The following SLC22A8 variants were observed in gnomAD, a reference collection of about 807,000 sequenced individuals.
SLC22A8 encodes solute carrier family 22 member 8.
A neutral mutation model predicts 48.4 loss-of-function variants in SLC22A8; 40 were observed. The ratio of observed to expected loss-of-function variants is 0.83; its 90% CI spans 0.64 to 1.08. The LOEUF (loss-of-function observed/expected upper bound fraction) is 1.08, where lower values mean the gene tolerates loss of function less well. Among genes scored for constraint, SLC22A8 ranks in the 50% least tolerant of loss-of-function variants. The pLI, the probability that SLC22A8 is intolerant of heterozygous loss-of-function variation, is 0.00. For missense variants in SLC22A8, 606 were observed against 699.0 expected, an observed-to-expected ratio of 0.87 and a Z score of 1.50; for synonymous variants, 268 against 286.3, an observed-to-expected ratio of 0.94 and a Z score of 0.65.
At chr11:62,996,939 A>C (rs1442971010) in intron 5 of SLC22A8, among the ~76,000 whole-genome samples, 1 of 152,224 alleles carries the variant, frequency 6.6e-6, no homozygotes, top group Non-Finnish European at 1.5e-5. Context: ...TGAGGCCCTC[A>C]GGGAGTGGAC....
chr11:63,010,766 T>G (rs1590701166), intron 2 of SLC22A8, among the ~76,000 whole-genome samples: 1 of 152,178 alleles, frequency 6.6e-6, no homozygotes, highest in East Asian at 1.9e-4. Flanking sequence ...CGGTTCACAC[T>G]ATCTCAGCTG....
At chr11:63,015,107 G>C (rs557263795) in intron 1 of SLC22A8, 124 bp from the exon 2 acceptor site, 2 of 577,446 alleles carry the variant, frequency 3.5e-6, no homozygotes, top group East Asian at 2.8e-5. Context: ...AGCAGAGCAT[G>C]TGTAAGTGTG....
chr11:63,006,814 A>G (rs2086562437), intron 2 of SLC22A8, among the ~76,000 whole-genome samples: 1 of 150,178 alleles, frequency 6.7e-6, no homozygotes, highest in African/African-American at 2.4e-5. Context: ...TCACCATGTT[A>G]GCTAGCATGG....
intron 5 of SLC22A8, among the ~76,000 whole-genome samples, chr11:62,998,069 G>T (rs1047849290): frequency 2.6e-5 from 4 of 151,820 alleles, no homozygotes; most frequent in Non-Finnish European, 4.4e-5. Context: ...CTCCTGCCTC[G>T]GCCTCCTGAG....
intron 2 of SLC22A8, among the ~76,000 whole-genome samples, chr11:63,014,338 CT>C (rs1411540031): frequency 1.3e-5 from 2 of 152,170 alleles, no homozygotes; most frequent in Non-Finnish European, 2.9e-5. Context: ...TGTAGACCCC[CT>C]GGGAGCAGGC....
Position 62,993,240 on chromosome 11 carries a change from G to C in SLC22A8, c.1626C>G (p.Ser542Arg), listed in dbSNP as rs770769815. The C allele has an allele frequency of 9.9e-6, 16 of 1,611,138 alleles. No individual in the cohort carries two copies. The highest frequency in any genetic ancestry group is 1.4e-5 in the Non-Finnish European group (16 of 1,179,022). ...GGGAAAGGGGGTTCCGTTGTCCTCA[G>C]CTGGAGCCCAGGCCTGGTCCGTGAG... ...LQPHGPGLGS[S>R] Residue 542 changes from serine to arginine, a missense_variant, in exon 11 of 11, where the codon AGC becomes AGG. By Grantham distance (110) the Ser-to-Arg change is moderately radical. Transcript: ENST00000336232.
At position 62,999,089 on chromosome 11, in the gene SLC22A8, T is replaced by A. The variant is rs138633128; in HGVS notation, c.593A>T (p.Asn198Ile). 8.4e-5 allele frequency: 135 copies of A among 1,611,380 alleles called. 1 individual carries two copies. The African/African-American group carries it at 1.5e-3, about 18-fold the overall frequency. ...CATCCGGGTAGGCACCCATTCCACATCTGTGGGAGGAGTCCAAGCACCAGA... is the reference window on the plus strand; with the variant it reads ...CATCCGGGTAGGCACCCATTCCACAACTGTGGGAGGAGTCCAAGCACCAGA... ...SGITLSTVIL[N>I]VEWVPTRMRA... The change falls in exon 5 of 11, where the codon AAT (asparagine) becomes ATT (isoleucine). Residue 198 changes from asparagine to isoleucine, a missense_variant and splice_region_variant. Physicochemically the swap from Asn to Ile is moderately radical, Grantham distance 149. Coordinates refer to ENST00000336232, the MANE Select transcript of SLC22A8 (RefSeq NM_004254.4).
chr11:63,012,100 CTG>C (rs2086625867), intron 2 of SLC22A8, among the ~76,000 whole-genome samples: 1 of 151,992 alleles, frequency 6.6e-6, no homozygotes, highest in African/African-American at 2.4e-5. Context: ...AGCAATTCTC[CTG>C]TCTCAGCCAC....
rs766067506 is a variant in SLC22A8, at chr11:62,993,440, C to T, written c.1513G>A (p.Glu505Lys). The T allele has an allele frequency of 2.3e-5, 37 of 1,614,046 alleles. No individual in the cohort carries two copies. The South Asian group carries it at 2.9e-4, about 12-fold the overall frequency. ...GTGACTGACCAGTTTTCCAGGTCTT[C>T]GATAGTCTCTGGCAAGGGCTGATTC... ...TLNQPLPETI[E>K]DLENWSLRAK... Residue 505 changes from glutamate (E) to lysine (K), a missense_variant, in exon 10 of 11, where the codon GAA becomes AAA. Transcript: ENST00000336232.
rs1220509816 is a variant in SLC22A8 at position 63,004,136 on chromosome 11, C to T, written c.334-3313G>A. Among the ~76,000 whole-genome samples the T allele has an allele frequency of 2.0e-5, 3 of 152,170 alleles. No homozygotes were observed. In the South Asian group the frequency reaches 6.2e-4, roughly 32 times the overall value. On this transcript the variant is annotated intron_variant, in intron 2 of 10. Transcript: ENST00000336232. ...GTTTCAGGCTGCTGTCCTGCTCCAC[C>T]ATCTGAGACCAGATCTGCTGGATCT...
rs2086360000 is a variant in SLC22A8, at chr11:62,992,866, A to C, written c.*371T>G. The C allele has an allele frequency of 8.1e-6, 2 of 247,634 alleles. No homozygotes were observed. The highest frequency in any genetic ancestry group is 1.5e-4 in the East Asian group (2 of 13,018). 15.3% of individuals were successfully genotyped at this position (247,634 alleles called of 1,614,324 possible). ...TTTATTGAAACCTCCCATCAAAGAA[A>C]AGTGTGGGAGGCAAGAAGGGGAGGA... On this transcript the variant is annotated 3_prime_UTR_variant, in exon 11 of 11. Coordinates refer to ENST00000336232, the MANE Select transcript of SLC22A8 (RefSeq NM_004254.4).
rs1565303714 is a variant in SLC22A8, at chr11:63,014,656, G to A, written c.303C>T (p.Tyr101=). Residue 101 remains tyrosine (Y), a synonymous_variant, in exon 2 of 11, where the codon TAC becomes TAT. Coordinates refer to ENST00000336232, the MANE Select transcript of SLC22A8 (RefSeq NM_004254.4). ...AMEPCLDGWV[Y]NSTKDSIVTE... ...TCACAATGGAGTCCTTGGTGCTGTT[G>A]TAGACCCAGCCATCCAGGCATGGCT... 2 of 1,609,126 alleles carry A rather than the reference G, an allele frequency of 1.2e-6. No homozygotes were observed. The highest frequency in any genetic ancestry group is 2.2e-5 in the South Asian group (2 of 90,554).
At chr11:63,008,186 A>G (rs557558668) in intron 2 of SLC22A8, among the ~76,000 whole-genome samples, 123 of 152,330 alleles carry the variant, frequency 8.1e-4, no homozygotes, top group African/African-American at 2.9e-3. Context: ...AAGTGAGGCT[A>G]GGTGGCCCCT....
At chr11:63,010,604 T>C (rs993263420) in intron 2 of SLC22A8, among the ~76,000 whole-genome samples, 2 of 152,202 alleles carry the variant, frequency 1.3e-5, no homozygotes, top group Non-Finnish European at 2.9e-5. Flanking sequence ...CAGCCACTAA[T>C]GCATTAATGG....
rs202187117 is a variant in SLC22A8, at chr11:62,999,003, C to T, written c.679G>A (p.Gly227Ser). 9.1e-5 allele frequency: 147 copies of T among 1,614,094 alleles called. No individual in the cohort carries two copies. Among genetic ancestry groups the T allele is most frequent in the Non-Finnish European group, 8.8e-5 (104 of 1,180,020 alleles). Residue 227 changes from glycine (G) to serine (S), a missense_variant, in exon 5 of 11, where the codon GGC (glycine) becomes AGC (serine). Gly to Ser is a moderately conservative substitution (Grantham distance 56, BLOSUM62 0). Coordinates refer to ENST00000336232, the MANE Select transcript of SLC22A8 (RefSeq NM_004254.4). ...CYTFGQFILP[G>S]LAYAIPQWRW... Reference sequence around the variant, plus strand: ...CACTGGGGGATGGCGTAGGCCAGGCCGGGCAGAATGAACTGGCCAAAGGTG... The same window carrying T: ...CACTGGGGGATGGCGTAGGCCAGGCTGGGCAGAATGAACTGGCCAAAGGTG...
intron 2 of SLC22A8, among the ~76,000 whole-genome samples, chr11:63,011,643 T>C (rs1240710300): frequency 6.6e-6 from 1 of 152,212 alleles, no homozygotes; most frequent in African/African-American, 2.4e-5. Context: ...CTGGTATCTA[T>C]TCTGACTGTC....
In SLC22A8 at chr11:63,014,616, C is replaced by T. The variant is rs1273059368; in HGVS notation, c.333+10G>A. 1.3e-6 allele frequency: 2 copies of T among 1,571,884 alleles called. No homozygotes were observed. Among genetic ancestry groups the T allele is most frequent in the Non-Finnish European group, 1.7e-6 (2 of 1,152,054 alleles). On this transcript the variant is annotated intron_variant, in intron 2 of 10. Coordinates refer to ENST00000336232, the MANE Select transcript of SLC22A8 (RefSeq NM_004254.4). ...GGGTAAGTGGAGGGAGAGGGTTTGC[C>T]CAGGCATACCTCTGTCACAATGGAG...
Position 62,995,698 on chromosome 11 carries a change from G to A in SLC22A8, c.1001+6C>T. ...GGCAGGGTGTGGGCAGGGAGAGGGG[G>A]GTTACCAGGCCAGGGAAAGACAGAA... On this transcript the variant is annotated splice_donor_region_variant and intron_variant, in intron 7 of 10. Transcript: ENST00000336232. The A allele has an allele frequency of 6.2e-7, 1 of 1,606,234 alleles. No individual in the cohort carries two copies. The highest frequency in any genetic ancestry group is 8.5e-7 in the Non-Finnish European group (1 of 1,172,886).
At position 62,994,724 on chromosome 11, in the gene SLC22A8, G is replaced by A. The variant is rs2135116378; in HGVS notation, c.1034C>T (p.Ala345Val). Residue 345 changes from alanine to valine, a missense_variant, in exon 8 of 11, where the codon GCT becomes GTT. Physicochemically the swap from Ala to Val is moderately conservative, Grantham distance 64. Transcript: ENST00000336232. ...FATGFAYYSL[A>V]MGVEEFGVNL... ...GACTCCAAATTCTTCCACACCCATA[G>A]CCAAACTATAGTAGGCAAAACCGGT... 1 of 1,614,192 alleles carries A rather than the reference G, an allele frequency of 6.2e-7. No homozygotes were observed. Among genetic ancestry groups the A allele is most frequent in the Non-Finnish European group, 8.5e-7 (1 of 1,180,012 alleles).
Sources: allele counts gnomAD v4.1 joint callset (sites outside exome capture counted in the v4.1 genomes callset), GRCh38; gene constraint gnomAD v4.1.1; transcripts MANE v1.5; gene names NCBI Gene and HGNC (gene_info 2026-07-23, HGNC 2026-07-21).